The following LLGL2 variants were observed in gnomAD, a reference collection of about 807,000 sequenced individuals.
The protein encoded by LLGL2 is LLGL2, scribble cell polarity complex component.
A neutral mutation model predicts 123.2 loss-of-function variants in LLGL2; 81 were observed. The observed-to-expected ratio is 0.66, with a 90% CI of 0.55 to 0.79. The LOEUF (loss-of-function observed/expected upper bound fraction) is 0.79. Ranked by LOEUF, LLGL2 falls within the 30% of genes least tolerant of loss-of-function variation. The pLI is 0.00. For missense variants in LLGL2, 1,273 were observed against 1,414.6 expected (o/e 0.90, Z 1.61); for synonymous variants, 577 against 594.1 (o/e 0.97, Z 0.42).
chr17:75,550,162 G>A (rs994735234), intron 2 of LLGL2, among the ~76,000 whole-genome samples: 1 of 152,326 alleles, frequency 6.6e-6, no homozygotes, highest in East Asian at 1.9e-4. Flanking sequence ...GGGGAGGGCT[G>A]GTCTTGGAAT....
chr17:75,553,866 G>A (rs892854038), intron 2 of LLGL2, among the ~76,000 whole-genome samples: 1 of 152,118 alleles, frequency 6.6e-6, no homozygotes, highest in Non-Finnish European at 1.5e-5. Flanking sequence ...TACTCAAGTG[G>A]TGCAGACAAA....
intron 2 of LLGL2, among the ~76,000 whole-genome samples, chr17:75,551,712 G>C (rs1033772953): frequency 1.3e-5 from 2 of 152,210 alleles, no homozygotes; most frequent in Non-Finnish European, 2.9e-5. Context: ...TCTGTGGCCT[G>C]ACGTTCCTGC....
chr17:75,571,131 G>C, intron 17 of LLGL2, 31 bp downstream of exon 17: 11 of 1,515,004 alleles, frequency 7.3e-6, no homozygotes, highest in Non-Finnish European at 1.0e-5. Flanking sequence ...TGGGGGGCAG[G>C]GGGTAGTGGG....
chr17:75,525,496 C>G (rs926190004), upstream of LLGL2, among the ~76,000 whole-genome samples: 1 of 151,696 alleles, frequency 6.6e-6, no homozygotes, highest in South Asian at 2.1e-4. This position sits in a 1 kb window ranked among gnomAD's most constrained non-coding sequence, Gnocchi z 4.8. Context: ...GAGGCCGGGG[C>G]GGGCCTGCGG....
intron 1 of LLGL2, chr17:75,542,588 A>T (rs1598535485): frequency 6.6e-6 from 1 of 152,134 alleles, no homozygotes; most frequent in South Asian, 2.1e-4. Context: ...TGGTGGGCGG[A>T]GAGTTTAGGG....
Position 75,558,547 on chromosome 17 carries a change from G to C in LLGL2, c.291G>C (p.Leu97=), listed in dbSNP as rs1349922696. Residue 97 remains leucine (L), a synonymous_variant, in exon 5 of 26, where the codon CTG becomes CTC. Coordinates refer to ENST00000392550, the MANE Select transcript of LLGL2 (RefSeq NM_001031803.2). This position sits in a 1 kb window ranked among gnomAD's most constrained non-coding sequence, Gnocchi z 4.0. The part of the protein sequence containing the change: ...QLVTLLDDNS[L]HLWSLKVKGG... ...TCACCCTGCTGGATGACAACAGCCT[G>C]CACCTTTGGAGCCTGAAGGTCAAGG... 1 of 1,609,854 alleles carries C rather than the reference G, an allele frequency of 6.2e-7. No homozygotes were observed. Among genetic ancestry groups the C allele is most frequent in the Non-Finnish European group, 8.5e-7 (1 of 1,178,300 alleles).
At chr17:75,555,212 G>A (rs1244459401) in intron 2 of LLGL2, among the ~76,000 whole-genome samples, 1 of 150,692 alleles carries the variant, frequency 6.6e-6, no homozygotes, top group Non-Finnish European at 1.5e-5. Context: ...ACATTCACAA[G>A]TGCAGAAGAC....
chr17:75,525,457 C>CGCCGT (rs2053521881), upstream of LLGL2, among the ~76,000 whole-genome samples: 1 of 151,896 alleles, frequency 6.6e-6, no homozygotes, highest in African/African-American at 2.4e-5. This position sits in a 1 kb window ranked among gnomAD's most constrained non-coding sequence, Gnocchi z 4.8. Flanking sequence ...GGGCGCGGCG[C>CGCCGT]GCCGTTCTGC....
rs756526176 is a variant in LLGL2 at position 75,558,013 on chromosome 17, C to T, written c.174-142C>T. 3 of 813,552 alleles carry T rather than the reference C, an allele frequency of 3.7e-6. No individual in the cohort carries two copies. Among genetic ancestry groups the T allele is most frequent in the Admixed American group, 1.7e-5 (1 of 58,372 alleles). 50.4% of individuals were successfully genotyped at this position (813,552 alleles called of 1,614,324 possible). A position where few individuals can be genotyped will look rare whatever the true frequency, so the allele number is the denominator to read the frequency against. On this transcript the variant is annotated intron_variant, in intron 3 of 25. Transcript: ENST00000392550. This position sits in a 1 kb window ranked among gnomAD's most constrained non-coding sequence, Gnocchi z 4.0. ...CTGTGTCTCCTCCCCACCCTAGGCT[C>T]CATGCATGGGTCCTGCTGCCTCGGG...
At chr17:75,561,470 A>T (rs903425909) in intron 6 of LLGL2, among the ~76,000 whole-genome samples, 1 of 152,006 alleles carries the variant, frequency 6.6e-6, no homozygotes, top group Non-Finnish European at 1.5e-5. Flanking sequence ...CCTCACAAAA[A>T]ATAAAAATTA....
chr17:75,563,462 C>T lies in LLGL2; in HGVS notation c.825C>T (p.Tyr275=), dbSNP rs141041567. The T allele has an allele frequency of 2.9e-4, 468 of 1,612,310 alleles. 1 individual carries two copies. Among genetic ancestry groups the T allele is most frequent in the Non-Finnish European group, 3.5e-4 (418 of 1,179,928 alleles). Residue 275 remains tyrosine (Y), a splice_region_variant and synonymous_variant, in exon 8 of 26, where the codon TAC becomes TAT. Transcript: ENST00000392550. ...QPEPLRSLVP[Y]GPFPCKAITR... ...AGCCCCTCCGCAGCCTCGTGCCTTA[C>T]GGTCAGTGTTTCACCCGCCGGGCAG...
chr17:75,555,191 T>C (rs994521444), intron 2 of LLGL2, among the ~76,000 whole-genome samples: 2 of 148,826 alleles, frequency 1.3e-5, no homozygotes, highest in Non-Finnish European at 3.0e-5. Flanking sequence ...AAAAAAAAAA[T>C]AGACCTGCAA....
At chr17:75,555,153 G>A (rs1598581794) in intron 2 of LLGL2, among the ~76,000 whole-genome samples, 1 of 151,398 alleles carries the variant, frequency 6.6e-6, no homozygotes, top group Non-Finnish European at 1.5e-5. Context: ...CTCCAGCCTG[G>A]GCAACAGAGC....
Position 75,568,634 on chromosome 17 carries a change from A to T in LLGL2, c.1195A>T (p.Lys399Ter). 1.2e-6 allele frequency: 2 copies of T among 1,613,794 alleles called. No homozygotes were observed. Among genetic ancestry groups the T allele is most frequent in the Non-Finnish European group, 1.7e-6 (2 of 1,180,004 alleles). ...TCACCACGTCTCCAACATCCCGCTGAAGCTGTGGGAGCGGATCATTGCCGC... is the reference window on the plus strand; with the variant it reads ...TCACCACGTCTCCAACATCCCGCTGTAGCTGTGGGAGCGGATCATTGCCGC... ...CSHHVSNIPL[K>*]LWERIIAAGS... The change falls in exon 11 of 26, where the codon AAG becomes TAG. Residue 399 changes from lysine to a stop codon, truncating the protein, a stop_gained. Coordinates refer to ENST00000392550, the MANE Select transcript of LLGL2 (RefSeq NM_001031803.2). LOFTEE classifies it high-confidence loss of function.
rs371579928 is a variant in LLGL2 at position 75,574,641 on chromosome 17, G to A, written c.3028G>A (p.Val1010Met). 29 of 1,612,068 alleles carry A rather than the reference G, an allele frequency of 1.8e-5. No homozygotes were observed. The highest frequency in any genetic ancestry group is 4.0e-5 in the African/African-American group (3 of 74,914). Reference sequence around the variant, plus strand: ...CAACTGGCGTTCACATCGAGCCGCCGTGGGGTGCAGCCTCAGCAATGGCGG... The same window carrying A: ...CAACTGGCGTTCACATCGAGCCGCCATGGGGTGCAGCCTCAGCAATGGCGG... ...SGNWRSHRAAVGCSLSNGGAE is the reference protein window; with the variant it reads ...SGNWRSHRAAMGCSLSNGGAE The change falls in exon 25 of 26, where the codon GTG (valine) becomes ATG (methionine). Residue 1010 changes from valine (V) to methionine (M), a missense_variant. Transcript: ENST00000392550.
chr17:75,540,920 T>C (rs1331699780), intron 1 of LLGL2, among the ~76,000 whole-genome samples: 2 of 152,174 alleles, frequency 1.3e-5, no homozygotes, highest in African/African-American at 2.4e-5. Context: ...CTCTGGATGC[T>C]GGGGTTTAGG....
chr17:75,562,977 T>G, intron 6 of LLGL2, 39 bp from the exon 7 acceptor site: 1 of 1,603,982 alleles, frequency 6.2e-7, no homozygotes, highest in Non-Finnish European at 8.5e-7. Flanking sequence ...TTCCCCCTGG[T>G]GGACGGCATC....
intron 10 of LLGL2, 166 bp from the exon 11 acceptor site, chr17:75,568,310 C>T: frequency 6.9e-7 from 1 of 1,439,334 alleles, no homozygotes; most frequent in Non-Finnish European, 9.1e-7. Flanking sequence ...AGGGCTACTG[C>T]CCACACCTGC....
In LLGL2 at chr17:75,563,840, G is replaced by A. The variant is rs779835258; in HGVS notation, c.881+34G>A. On this transcript the variant is annotated intron_variant, in intron 9 of 25. Coordinates refer to ENST00000392550, the MANE Select transcript of LLGL2 (RefSeq NM_001031803.2). ...CCATGCTGGTCCTCTTTCCTCTCCA[G>A]AGCCTTCCTGGAGGGCTAGAAAGGT... is the stretch of plus-strand genomic sequence containing the variant. 3.1e-6 allele frequency: 5 copies of A among 1,609,394 alleles called. No individual in the cohort carries two copies. In the African/African-American group the frequency reaches 6.7e-5, roughly 22 times the overall value.
Sources: gnomAD v4.1 joint callset for allele counts (sites outside exome capture counted in the v4.1 genomes callset) on GRCh38, gnomAD v4.1.1 for gene constraint, Gnocchi (gnomAD v3.1) non-coding constraint, MANE v1.5 for transcripts, NCBI Gene and HGNC (gene_info 2026-07-23, HGNC 2026-07-21) for gene names.